Variants in TFCP2 observed in about 807,000 individuals in gnomAD.
TFCP2 encodes alpha-globin transcription factor CP2.
In TFCP2, 33 loss-of-function variants were observed where a neutral mutation model predicts 73.4. The ratio of observed to expected loss-of-function variants is 0.45; its 90% CI spans 0.34 to 0.60. The LOEUF is 0.60. Among genes scored for constraint, TFCP2 ranks in the 20% least tolerant of loss-of-function variants. The probability of loss-of-function intolerance (pLI) is 0.01; values close to 1 mark genes in which losing one functional copy is unlikely to be tolerated. For missense variants in TFCP2, 352 were observed against 604.0 expected, an observed-to-expected ratio of 0.58 and a Z score of 4.37; for synonymous variants, 193 against 211.6, an observed-to-expected ratio of 0.91 and a Z score of 0.76.
At chr12:51,134,631 G>C (rs1007432977) in intron 1 of TFCP2, among the ~76,000 whole-genome samples, 1 of 152,082 alleles carries the variant, frequency 6.6e-6, no homozygotes, top group Non-Finnish European at 1.5e-5. Flanking sequence ...ACTACAACCT[G>C]AAGTTTGGAA....
Sources: gnomAD v4.1 joint callset for allele counts (sites outside exome capture counted in the v4.1 genomes callset) on GRCh38, gnomAD v4.1.1 for gene constraint, MANE v1.5 for transcripts, NCBI Gene and HGNC (gene_info 2026-07-23, HGNC 2026-07-21) for gene names.